The following FANCC variants were observed in gnomAD, a reference collection of about 807,000 sequenced individuals.
FANCC encodes FA complementation group C, also known as Fanconi anemia group C protein.
FANCC carries 55 observed loss-of-function variants against 71.3 expected under a neutral mutation model. That is an observed-to-expected ratio of 0.77 (90% CI 0.62 to 0.97). The LOEUF (loss-of-function observed/expected upper bound fraction) is 0.97, where lower values mean the gene tolerates loss of function less well. FANCC is among the 50% of genes least tolerant of loss of function. FANCC has a pLI of 0.00. For missense variants in FANCC, 678 were observed against 670.9 expected (o/e 1.01, Z -0.12); for synonymous variants, 275 against 244.9 (o/e 1.12, Z -1.15).
intron 6 of FANCC, among the ~76,000 whole-genome samples, chr9:95,167,111 T>C (rs113576237): frequency 0.018 from 2,717 of 152,232 alleles, 102 homozygotes; most frequent in African/African-American, 0.061. Context: ...TTGTTTTGTT[T>C]CCTCCCTGGC....
intron 1 of FANCC, among the ~76,000 whole-genome samples, chr9:95,306,773 T>C (rs987527430): frequency 2.6e-5 from 4 of 152,222 alleles, no homozygotes; most frequent in Non-Finnish European, 5.9e-5. Context: ...AGTTCATCAG[T>C]AGCTATCCTC....
At chr9:95,128,628 G>C (rs997991656) in intron 8 of FANCC, among the ~76,000 whole-genome samples, 3 of 152,224 alleles carry the variant, frequency 2.0e-5, no homozygotes, top group African/African-American at 7.2e-5. Context: ...TGTTAGAAGA[G>C]AGTGAGAGCT....
chr9:95,250,199 G>A (rs1333317727), intron 1 of FANCC, among the ~76,000 whole-genome samples: 2 of 152,178 alleles, frequency 1.3e-5, no homozygotes, highest in Non-Finnish European at 2.9e-5. Flanking sequence ...GAAGCCAGAA[G>A]CAGGAATCGC....
At chr9:95,117,483 A>G in intron 10 of FANCC, 93 bp from the exon 11 acceptor site, 11 of 907,840 alleles carry the variant, frequency 1.2e-5, no homozygotes, top group Non-Finnish European at 2.0e-5. Context: ...CCCAAAAAAG[A>G]CCCACCAGTA....
At chr9:95,173,246 T>C (rs148681105) in intron 4 of FANCC, among the ~76,000 whole-genome samples, 91 of 152,220 alleles carry the variant, frequency 6.0e-4, no homozygotes, top group African/African-American at 2.2e-3. Context: ...GGGTCTTCCA[T>C]ACAGAGTGCA....
At chr9:95,309,007 GA>G (rs1452435904) in intron 1 of FANCC, among the ~76,000 whole-genome samples, 1 of 151,704 alleles carries the variant, frequency 6.6e-6, no homozygotes, top group African/African-American at 2.4e-5. Context: ...GATGCATCTC[GA>G]AAAAAGAAAA....
At chr9:95,229,085 G>A (rs1829820251) in intron 4 of FANCC, among the ~76,000 whole-genome samples, 1 of 152,108 alleles carries the variant, frequency 6.6e-6, no homozygotes, top group African/African-American at 2.4e-5. Context: ...ATCACCTGAG[G>A]TCAGGAGTTC....
intron 1 of FANCC, among the ~76,000 whole-genome samples, chr9:95,298,107 A>G (rs1381778026): frequency 6.6e-6 from 1 of 152,168 alleles, no homozygotes; most frequent in Non-Finnish European, 1.5e-5. Context: ...AAGATGGAAG[A>G]CCATCTTACA....
At chr9:95,115,211 G>GAATT (rs1326838714) in intron 11 of FANCC, among the ~76,000 whole-genome samples, 1 of 152,062 alleles carries the variant, frequency 6.6e-6, no homozygotes, top group Non-Finnish European at 1.5e-5. Flanking sequence ...CAAAGTGCTG[G>GAATT]AATTACAGGC....
rs1554857834 is a variant in FANCC at position 95,247,475 on chromosome 9, T to C, written c.207A>G (p.Gln69=). 2 of 1,613,898 alleles carry C rather than the reference T, an allele frequency of 1.2e-6. No homozygotes were observed. The highest frequency in any genetic ancestry group is 1.7e-6 in the Non-Finnish European group (2 of 1,179,872). ...GATTCCAACAAGCTTTTGCCAACAG[T>C]TGACCAATTGTGGGGAATCTTTCAA... is the stretch of plus-strand genomic sequence containing the variant. ...TVIERFPTIG[Q]LLAKACWNPF... is the part of the protein sequence containing the mutation. Residue 69 remains glutamine, a synonymous_variant, in exon 3 of 15, where the codon CAA becomes CAG. Transcript: ENST00000289081.
chr9:95,254,524 C>T (rs1831540910), intron 1 of FANCC, among the ~76,000 whole-genome samples: 1 of 152,204 alleles, frequency 6.6e-6, no homozygotes, highest in South Asian at 2.1e-4. Flanking sequence ...GGGACTGTGC[C>T]GTGAGGAATG....
chr9:95,108,500 T>C (rs1275130160), intron 13 of FANCC, among the ~76,000 whole-genome samples: 1 of 152,230 alleles, frequency 6.6e-6, no homozygotes, highest in Non-Finnish European at 1.5e-5. Context: ...ATGGGGTCTA[T>C]CTTCCTTTAT....
At chr9:95,180,452 G>A (rs1265721056) in intron 4 of FANCC, among the ~76,000 whole-genome samples, 2 of 140,846 alleles carry the variant, frequency 1.4e-5, no homozygotes, top group African/African-American at 2.6e-5. Context: ...CAATCTTCCC[G>A]CCTCAGCCTC....
chr9:95,255,598 G>C (rs1264700528), intron 1 of FANCC, among the ~76,000 whole-genome samples: 1 of 152,088 alleles, frequency 6.6e-6, no homozygotes, highest in East Asian at 1.9e-4. Context: ...GTAAAAACCA[G>C]CACAAAAAGG....
At chr9:95,277,121 T>C (rs1269668506) in intron 1 of FANCC, among the ~76,000 whole-genome samples, 3 of 152,228 alleles carry the variant, frequency 2.0e-5, no homozygotes, top group Non-Finnish European at 4.4e-5. Context: ...CAATTCAATT[T>C]TTCTGAAATA....
chr9:95,212,821 G>A (rs988149252), intron 4 of FANCC, among the ~76,000 whole-genome samples: 1 of 152,180 alleles, frequency 6.6e-6, no homozygotes, highest in Non-Finnish European at 1.5e-5. Flanking sequence ...AGGGAGAGGA[G>A]ATGTGGCTGT....
intron 1 of FANCC, among the ~76,000 whole-genome samples, chr9:95,278,581 G>A (rs980957274): frequency 2.0e-5 from 3 of 152,156 alleles, no homozygotes; most frequent in African/African-American, 7.2e-5. Context: ...CTCCCAGTCA[G>A]CCCAGCAATC....
At chr9:95,116,066 T>A (rs1284269185) in intron 11 of FANCC, among the ~76,000 whole-genome samples, 1 of 152,254 alleles carries the variant, frequency 6.6e-6, no homozygotes, top group Non-Finnish European at 1.5e-5. Context: ...CACCTATTTA[T>A]ATTTGGACAT....
chr9:95,306,149 G>A (rs1398913933), intron 1 of FANCC, among the ~76,000 whole-genome samples: 1 of 152,142 alleles, frequency 6.6e-6, no homozygotes. Flanking sequence ...GATTAACATT[G>A]TACAATAAAT....
Sources: gnomAD v4.1 joint callset for allele counts (sites outside exome capture counted in the v4.1 genomes callset) on GRCh38, gnomAD v4.1.1 for gene constraint, MANE v1.5 for transcripts, NCBI Gene and HGNC (gene_info 2026-07-23, HGNC 2026-07-21) for gene names.